The following TMCC3 variants were observed in gnomAD, a reference collection of about 807,000 sequenced individuals.
The protein encoded by TMCC3 is transmembrane and coiled-coil domain protein 3.
Under a neutral mutation model 40.2 loss-of-function variants are expected in TMCC3, and 28 were observed. The ratio of observed to expected loss-of-function variants is 0.70; its 90% confidence interval spans 0.52 to 0.95. The LOEUF (loss-of-function observed/expected upper bound fraction) is 0.95. TMCC3 is among the 40% of genes least tolerant of loss of function. The probability of loss-of-function intolerance (pLI) is 0.00; values close to 1 mark genes in which losing one functional copy is unlikely to be tolerated. For missense variants in TMCC3, 554 were observed against 615.2 expected, an observed-to-expected ratio of 0.90 and a Z score of 1.05; for synonymous variants, 255 against 248.5, an observed-to-expected ratio of 1.03 and a Z score of -0.25.
intron 1 of TMCC3, among the ~76,000 whole-genome samples, chr12:94,607,885 T>A (rs992337244): frequency 1.3e-5 from 2 of 152,218 alleles, no homozygotes; most frequent in Non-Finnish European, 2.9e-5. Flanking sequence ...ACTCAGGATA[T>A]CACCCTGAAC....
chr12:94,578,410 C>T lies in TMCC3; in HGVS notation c.1115G>A (p.Arg372His), dbSNP rs369398902. The change falls in exon 3 of 4, where the codon CGC (arginine) becomes CAC (histidine). Residue 372 changes from arginine to histidine, a missense_variant. Arg to His is a conservative substitution (Grantham distance 29). Coordinates refer to ENST00000261226, the MANE Select transcript of TMCC3 (RefSeq NM_020698.4). Reference protein sequence around the residue: ...EEKVAYQAYERSRDIQEALES... With the variant: ...EEKVAYQAYEHSRDIQEALES... Reference sequence around the variant, plus strand: ...GAAAGGTACCTGGATGTCCCGCGAGCGCTCGTAGGCCTGGTAGGCCACCTT... The same window carrying T: ...GAAAGGTACCTGGATGTCCCGCGAGTGCTCGTAGGCCTGGTAGGCCACCTT... 319 of 1,613,672 alleles carry T rather than the reference C, an allele frequency of 2.0e-4. No homozygotes were observed. Among genetic ancestry groups the T allele is most frequent in the Non-Finnish European group, 2.6e-4 (303 of 1,179,838 alleles).
intron 1 of TMCC3, among the ~76,000 whole-genome samples, chr12:94,619,990 C>G (rs1002622925): frequency 6.6e-6 from 1 of 151,930 alleles, no homozygotes; most frequent in African/African-American, 2.4e-5. Context: ...ATGGAGAAAC[C>G]CTGTCTCTAC....
At chr12:94,585,302 G>A (rs1181229678) in intron 1 of TMCC3, among the ~76,000 whole-genome samples, 1 of 152,108 alleles carries the variant, frequency 6.6e-6, no homozygotes, top group East Asian at 1.9e-4. Context: ...TAAATTCCCA[G>A]AATGTATATG....
In TMCC3 at chr12:94,571,242, C is replaced by T. The variant is rs748444297; in HGVS notation, c.*193G>A. The T allele has an allele frequency of 1.8e-5, 11 of 627,492 alleles. No individual in the cohort carries two copies. The highest frequency in any genetic ancestry group is 7.4e-5 in the African/African-American group (4 of 54,286). The allele number at this position is 627,492 out of a possible 1,614,324, so 38.9% of individuals were successfully genotyped here. On this transcript the variant is annotated 3_prime_UTR_variant, in exon 4 of 4. Coordinates refer to ENST00000261226, the MANE Select transcript of TMCC3 (RefSeq NM_020698.4). ...AGGTAGGAGAGCTCTGAAACAGATT[C>T]GTGTTAACGAAGTACAAGGACTGAG...
rs1491007129 is a variant in TMCC3, at chr12:94,597,166, A to ATATATAT, written c.79-14629_79-14628insATATATA. Among the ~76,000 whole-genome samples, 296 of 90,922 alleles carry ATATATAT rather than the reference A, an allele frequency of 3.3e-3. 16 individuals carry two copies. Among genetic ancestry groups the ATATATAT allele is most frequent in the Middle Eastern group, 5.1e-3 (1 of 196 alleles). 59.6% of individuals were successfully genotyped at this position (90,922 alleles called of 152,430 possible). ...ATATATATATATATATATGTATATAAATTAGCCAGGCCTGCTGGCGTGCCT... is the reference window on the plus strand; with the variant it reads ...ATATATATATATATATATGTATATAATATATATATTAGCCAGGCCTGCTGGCGTGCCT... On this transcript the variant is annotated intron_variant, in intron 1 of 3. Transcript: ENST00000261226.
At chr12:94,625,159 A>AAAT (rs1555285427) in intron 1 of TMCC3, among the ~76,000 whole-genome samples, 3 of 146,692 alleles carry the variant, frequency 2.0e-5, no homozygotes, top group African/African-American at 7.6e-5. Flanking sequence ...AAAAAAAAAA[A>AAAT]TTTTTTTTTT....
intron 1 of TMCC3, among the ~76,000 whole-genome samples, chr12:94,617,022 G>A (rs1414149945): frequency 6.6e-6 from 1 of 152,178 alleles, no homozygotes; most frequent in African/African-American, 2.4e-5. Flanking sequence ...GCTGGATGTA[G>A]GGTGGTCGTG....
At chr12:94,593,314 C>G (rs2068690288) in intron 1 of TMCC3, among the ~76,000 whole-genome samples, 1 of 148,140 alleles carries the variant, frequency 6.8e-6, no homozygotes, top group African/African-American at 2.5e-5. Context: ...TTGCAGTGAG[C>G]CAAGACTGTG....
chr12:94,613,316 A>G (rs2068827588), intron 1 of TMCC3, among the ~76,000 whole-genome samples: 1 of 151,726 alleles, frequency 6.6e-6, no homozygotes, highest in African/African-American at 2.4e-5. Context: ...TAATAATAAT[A>G]ATAATTAGCC....
At chr12:94,639,753 T>A (rs1274080570) in intron 1 of TMCC3, among the ~76,000 whole-genome samples, 30 of 32,676 alleles carry the variant, frequency 9.2e-4, no homozygotes, top group African/African-American at 1.9e-3. Flanking sequence ...GAAGCCAAAA[T>A]CAAGAGGTAA....
rs1279224734 is a variant in TMCC3, at chr12:94,582,392, A to C, written c.225T>G (p.Ile75Met). ...TTTTTATCTGCTCTGTTACCTTTAGAATTTTTTGCTTCAGGCTGTCTGCAG... is the reference window on the plus strand; with the variant it reads ...TTTTTATCTGCTCTGTTACCTTTAGCATTTTTTGCTTCAGGCTGTCTGCAG... ...KLTADSLKQKILKVTEQIKIE... is the reference protein window; with the variant it reads ...KLTADSLKQKMLKVTEQIKIE... The change falls in exon 2 of 4, where the codon ATT (isoleucine) becomes ATG (methionine). Residue 75 changes from isoleucine to methionine, a missense_variant. Coordinates refer to ENST00000261226, the MANE Select transcript of TMCC3 (RefSeq NM_020698.4). The C allele has an allele frequency of 1.2e-6, 2 of 1,613,778 alleles. No homozygotes were observed. Among genetic ancestry groups the C allele is most frequent in the South Asian group, 2.2e-5 (2 of 91,068 alleles).
At chr12:94,582,965 CTTT>C (rs753900771) in intron 1 of TMCC3, among the ~76,000 whole-genome samples, 4 of 59,940 alleles carry the variant, frequency 6.7e-5, no homozygotes, top group South Asian at 6.2e-4. Context: ...GAAGGAGAAT[CTTT>C]TTTTTTTTTT....
intron 1 of TMCC3, among the ~76,000 whole-genome samples, chr12:94,622,708 A>G (rs912201693): frequency 2.6e-5 from 4 of 152,106 alleles, no homozygotes; most frequent in Non-Finnish European, 4.4e-5. Context: ...CTCTCCTTTA[A>G]TAAAGTCACA....
intron 1 of TMCC3, among the ~76,000 whole-genome samples, chr12:94,605,906 G>T (rs1009157656): frequency 6.6e-6 from 1 of 152,076 alleles, no homozygotes; most frequent in African/African-American, 2.4e-5. Context: ...TCTCCTGAAT[G>T]CAGGAAAGTA....
At chr12:94,590,141 G>A (rs148021142) in intron 1 of TMCC3, among the ~76,000 whole-genome samples, 7,460 of 134,808 alleles carry the variant, frequency 0.055, 225 homozygotes, top group Middle Eastern at 0.12. Context: ...TCTCTCTGTC[G>A]CCCAGGCTGG....
At chr12:94,606,318 A>G (rs144871144) in intron 1 of TMCC3, among the ~76,000 whole-genome samples, 103 of 152,220 alleles carry the variant, frequency 6.8e-4, no homozygotes, top group African/African-American at 2.4e-3. Flanking sequence ...GTTCCCTAAG[A>G]ACCATGGGGC....
Position 94,649,613 on chromosome 12 carries a change from G to A in TMCC3, c.78+740C>T, listed in dbSNP as rs1487994374. ...GCCCGGGAGGGCAAAGGTATTCACC[G>A]GGGAGGGCGAAGGCTTCCTCTCCCA... On this transcript the variant is annotated intron_variant, in intron 1 of 3. Coordinates refer to ENST00000261226, the MANE Select transcript of TMCC3 (RefSeq NM_020698.4). Among the ~76,000 whole-genome samples, 3 of 152,310 alleles carry A rather than the reference G, an allele frequency of 2.0e-5. No individual in the cohort carries two copies. The East Asian group carries it at 5.8e-4, about 29-fold the overall frequency.
rs1259588871 is a variant in TMCC3 at position 94,644,516 on chromosome 12, T to C, written c.78+5837A>G. The C allele has an allele frequency of 6.5e-6, 5 of 770,046 alleles. No individual in the cohort carries two copies. The East Asian group carries it at 3.8e-4, about 59-fold the overall frequency. The allele number at this position is 770,046 out of a possible 1,614,324, so 47.7% of individuals were successfully genotyped here. ...ATGTGACAGGCGGGTGAGCTGGTGG[T>C]GGCCGGCAGTTCCTTCTCCTCTAAA... On this transcript the variant is annotated intron_variant, in intron 1 of 3. Coordinates refer to ENST00000261226, the MANE Select transcript of TMCC3 (RefSeq NM_020698.4).
chr12:94,572,092 T>A (rs927200685), intron 3 of TMCC3, among the ~76,000 whole-genome samples: 3 of 152,062 alleles, frequency 2.0e-5, no homozygotes, highest in Non-Finnish European at 2.9e-5. Flanking sequence ...CTCCGCCTCC[T>A]GGGTTCAAGC....
Sources: gnomAD v4.1 joint callset for allele counts (sites outside exome capture counted in the v4.1 genomes callset) on GRCh38, gnomAD v4.1.1 for gene constraint, MANE v1.5 for transcripts, NCBI Gene and HGNC (gene_info 2026-07-23, HGNC 2026-07-21) for gene names.